The following PTPRD variants were observed in gnomAD, a reference collection of about 807,000 sequenced individuals.
PTPRD encodes the protein receptor-type tyrosine-protein phosphatase delta.
PTPRD carries 34 observed loss-of-function variants against 214.5 expected under a neutral mutation model. The observed-to-expected ratio is 0.16, with a 90% confidence interval of 0.12 to 0.21. The LOEUF (loss-of-function observed/expected upper bound fraction) is 0.21, where lower values mean the gene tolerates loss of function less well. Among genes scored for constraint, PTPRD ranks in the 10% least tolerant of loss-of-function variants. The probability of loss-of-function intolerance (pLI) is 1.00; values close to 1 mark genes in which losing one functional copy is unlikely to be tolerated. For missense variants in PTPRD, 2,545 were observed against 2,398.7 expected, an observed-to-expected ratio of 1.06 and a Z score of -1.27; for synonymous variants, 1,128 against 845.7, an observed-to-expected ratio of 1.33 and a Z score of -5.79.
intron 3 of PTPRD, among the ~76,000 whole-genome samples, chr9:10,136,016 G>T (rs573944947): frequency 9.3e-5 from 14 of 150,872 alleles, no homozygotes; most frequent in Non-Finnish European, 2.1e-4. Flanking sequence ...ACACCCACAG[G>T]CTGAAAGAAA....
chr9:8,732,591 C>A (rs1276402984), intron 12 of PTPRD, among the ~76,000 whole-genome samples: 1 of 152,154 alleles, frequency 6.6e-6, no homozygotes, highest in East Asian at 1.9e-4. Flanking sequence ...TTGGCTTCAC[C>A]TTAAGTTGAC....
intron 11 of PTPRD, among the ~76,000 whole-genome samples, chr9:8,820,350 C>T (rs7848070): frequency 3.3e-5 from 5 of 151,860 alleles, no homozygotes; most frequent in African/African-American, 1.2e-4. Context: ...ATCTTTTCAA[C>T]CTAAATTTAA....
chr9:10,006,993 G>A (rs1383072114), intron 4 of PTPRD, among the ~76,000 whole-genome samples: 1 of 151,882 alleles, frequency 6.6e-6, no homozygotes, highest in Non-Finnish European at 1.5e-5. Flanking sequence ...TAATTTTAAT[G>A]TAACAAATCC....
intron 4 of PTPRD, among the ~76,000 whole-genome samples, chr9:9,988,578 T>G (rs928091513): frequency 1.3e-5 from 2 of 152,164 alleles, no homozygotes; most frequent in Non-Finnish European, 2.9e-5. Context: ...CAACCATAAA[T>G]GTATCATTAG....
At chr9:10,556,078 T>A (rs1344563857) in intron 2 of PTPRD, among the ~76,000 whole-genome samples, 1 of 152,266 alleles carries the variant, frequency 6.6e-6, no homozygotes, top group East Asian at 1.9e-4. Flanking sequence ...CAACTGTTTT[T>A]TATACTTCTG....
intron 7 of PTPRD, among the ~76,000 whole-genome samples, chr9:9,688,674 A>C (rs186018010): frequency 1.3e-5 from 2 of 152,022 alleles, no homozygotes; most frequent in African/African-American, 4.8e-5. Flanking sequence ...CCACTAGTCC[A>C]TTATCTTGTA....
chr9:9,746,426 G>C (rs563749530), intron 6 of PTPRD, among the ~76,000 whole-genome samples: 16 of 152,272 alleles, frequency 1.1e-4, no homozygotes, highest in African/African-American at 3.6e-4. Flanking sequence ...TCTGCAGATA[G>C]AGTAATTAGC....
chr9:8,703,872 G>A (rs768840831), intron 12 of PTPRD, among the ~76,000 whole-genome samples: 1 of 152,008 alleles, frequency 6.6e-6, no homozygotes, highest in Non-Finnish European at 1.5e-5. Flanking sequence ...GTCCCAAACC[G>A]AGCTCATGAT....
intron 10 of PTPRD, among the ~76,000 whole-genome samples, chr9:9,030,439 A>G (rs1308080305): frequency 1.3e-5 from 2 of 151,700 alleles, no homozygotes; most frequent in East Asian, 3.9e-4. Flanking sequence ...CTTACCACAG[A>G]CAGACTGATA....
chr9:10,502,072 GT>G (rs1357897210), intron 2 of PTPRD, among the ~76,000 whole-genome samples: 2 of 151,844 alleles, frequency 1.3e-5, no homozygotes, highest in Non-Finnish European at 2.9e-5. Context: ...AGAAAATAGT[GT>G]GCTATTGTGA....
intron 3 of PTPRD, among the ~76,000 whole-genome samples, chr9:10,156,570 T>C (rs1420094329): frequency 6.6e-6 from 1 of 152,340 alleles, no homozygotes; most frequent in Admixed American, 6.5e-5. Flanking sequence ...TGGTCTATTT[T>C]AGAGTATATG....
Position 9,994,901 on chromosome 9 carries a change from T to C in PTPRD, c.-472+38817A>G, listed in dbSNP as rs139345359. 7.4e-3 allele frequency among the ~76,000 whole-genome samples: 1,130 copies of C among 152,232 alleles called. 11 individuals carry two copies. The highest frequency in any genetic ancestry group is 0.014 in the Middle Eastern group (4 of 292). On this transcript the variant is annotated intron_variant, in intron 4 of 45. Coordinates refer to ENST00000381196, the MANE Select transcript of PTPRD (RefSeq NM_002839.4). ...TATTATATATAATGTTAATATTGGA[T>C]ACTGCATCCATGTTTTTAAAATAAA...
At chr9:8,830,857 C>T (rs1434258) in intron 11 of PTPRD, among the ~76,000 whole-genome samples, 71,215 of 151,882 alleles carry the variant, frequency 0.47, 17,262 homozygotes, top group African/African-American at 0.6. Context: ...AAACTGTTGC[C>T]TCATTTTTCT....
intron 9 of PTPRD, among the ~76,000 whole-genome samples, chr9:9,251,286 T>A (rs571894719): frequency 1.3e-5 from 2 of 152,202 alleles, no homozygotes; most frequent in East Asian, 3.9e-4. Context: ...TAAAAGAATG[T>A]CCAACATTTC....
Position 8,357,558 on chromosome 9 carries a change from C to T in PTPRD, c.4662-15580G>A, listed in dbSNP as rs181640198. ...CAATAGTTCCTTTTATTGGCTCTGT[C>T]TGTTTTGGAAATGGAGAGAATGTGG... is the stretch of plus-strand genomic sequence containing the variant. On this transcript the variant is annotated intron_variant, in intron 39 of 45. Transcript: ENST00000381196. Among the ~76,000 whole-genome samples, 5 of 152,276 alleles carry T rather than the reference C, an allele frequency of 3.3e-5. No homozygotes were observed. The East Asian group carries it at 9.7e-4, about 29-fold the overall frequency.
In PTPRD at chr9:9,557,517, C is replaced by G. The variant is rs376472261; in HGVS notation, c.-237+17215G>C. Among the ~76,000 whole-genome samples, 3 of 152,054 alleles carry G rather than the reference C, an allele frequency of 2.0e-5. No individual in the cohort carries two copies. In the South Asian group the frequency reaches 6.2e-4, roughly 32 times the overall value. On this transcript the variant is annotated intron_variant, in intron 8 of 45. Coordinates refer to ENST00000381196, the MANE Select transcript of PTPRD (RefSeq NM_002839.4). The stretch of plus-strand genomic sequence containing the variant: ...AAAAATCTACATGCTATAGAGAAAC[C>G]CCTTCCCTTTCCAGAGCTTTTCCTA...
At chr9:9,866,245 T>G (rs1346464135) in intron 5 of PTPRD, among the ~76,000 whole-genome samples, 2 of 152,188 alleles carry the variant, frequency 1.3e-5, no homozygotes, top group Non-Finnish European at 2.9e-5. Flanking sequence ...TGTCATAGCC[T>G]TAATCAGTTG....
rs762218066 is a variant in PTPRD, at chr9:8,518,319, G to A, written c.1072C>T (p.His358Tyr). Residue 358 changes from histidine to tyrosine, a missense_variant, in exon 21 of 46, where the codon CAT (histidine) becomes TAT (tyrosine). By Grantham distance (83) the His-to-Tyr change is moderately conservative. Transcript: ENST00000381196. Reference sequence around the variant, plus strand: ...AGTTCCTCAGAGTTTTTAGGTTTATGCTGAATTATGTAATAAGAAACAGGC... The same window carrying A: ...AGTTCCTCAGAGTTTTTAGGTTTATACTGAATTATGTAATAAGAAACAGGC... ...PEPVSYYIIQHKPKNSEELYK... is the reference protein window; with the variant it reads ...PEPVSYYIIQYKPKNSEELYK... The A allele has an allele frequency of 3.7e-6, 6 of 1,614,080 alleles. No homozygotes were observed. In the East Asian group the frequency reaches 1.3e-4, roughly 36 times the overall value.
intron 11 of PTPRD, among the ~76,000 whole-genome samples, chr9:8,976,828 G>A (rs1264634899): frequency 1.3e-5 from 2 of 152,050 alleles, no homozygotes; most frequent in Non-Finnish European, 2.9e-5. Flanking sequence ...AGTGGTTAAA[G>A]CAGTACACTG....
Sources: gnomAD v4.1 joint callset for allele counts (sites outside exome capture counted in the v4.1 genomes callset) on GRCh38, gnomAD v4.1.1 for gene constraint, MANE v1.5 for transcripts, NCBI Gene and HGNC (gene_info 2026-07-23, HGNC 2026-07-21) for gene names.